VASH2: variants seen among roughly 807,000 people sequenced by gnomAD.
The protein encoded by VASH2 is tubulinyl-Tyr carboxypeptidase 2.
VASH2 carries 28 observed loss-of-function variants against 37.2 expected under a neutral mutation model. The ratio of observed to expected loss-of-function variants is 0.75; its 90% CI spans 0.56 to 1.03. VASH2 has a LOEUF of 1.03. Ranked by LOEUF, VASH2 falls within the 50% of genes least tolerant of loss-of-function variation. The probability of loss-of-function intolerance (pLI) is 0.00; values close to 1 mark genes in which losing one functional copy is unlikely to be tolerated. For missense variants in VASH2, 419 were observed against 459.1 expected (o/e 0.91, Z 0.80); for synonymous variants, 188 against 174.7 (o/e 1.08, Z -0.60).
intron 5 of VASH2, chr1:212,966,814 G>A (rs1666863616): frequency 2.1e-5 from 7 of 338,012 alleles, no homozygotes; most frequent in South Asian, 2.4e-5. Flanking sequence ...TGCAACTTCC[G>A]CCTCCCAGGC....
chr1:212,964,812 C>G (rs1437106430), intron 3 of VASH2, among the ~76,000 whole-genome samples: 2 of 152,156 alleles, frequency 1.3e-5, no homozygotes, highest in Non-Finnish European at 2.9e-5. Flanking sequence ...CATCCATCCA[C>G]TCATTCATCC....
At position 212,961,182 on chromosome 1, in the gene VASH2, T is replaced by A. The variant is rs1484213043; in HGVS notation, c.293T>A (p.Val98Asp). The change falls in exon 3 of 8, where the codon GTC becomes GAC. Residue 98 changes from valine (V) to aspartate (D), a missense_variant. Val to Asp is a radical substitution (Grantham distance 152). Around this residue, in one of 3 missense-constraint regions of VASH2, gnomAD observed 158 missense variants for 163.0 expected, o/e 0.97. Coordinates refer to ENST00000517399, the MANE Select transcript of VASH2 (RefSeq NM_001301056.2). Reference sequence around the variant, plus strand: ...TTTCTGCAGCCTTCAATACCCCAGGTCCCAAACTACAGGCTGTCGATGACG... The same window carrying A: ...TTTCTGCAGCCTTCAATACCCCAGGACCCAAACTACAGGCTGTCGATGACG... ...AFLAKPSIPQ[V>D]PNYRLSMTIP... 1 of 1,614,086 alleles carries A rather than the reference T, an allele frequency of 6.2e-7. No homozygotes were observed. The highest frequency in any genetic ancestry group is 1.1e-5 in the South Asian group (1 of 91,072).
chr1:212,979,346 C>A (rs1266636670), intron 7 of VASH2, among the ~76,000 whole-genome samples: 1 of 152,224 alleles, frequency 6.6e-6, no homozygotes, highest in Non-Finnish European at 1.5e-5. Flanking sequence ...ATGGCCAGGA[C>A]TAGGGTTTGG....
At chr1:212,962,977 C>CTTTTT (rs113122383) in intron 3 of VASH2, among the ~76,000 whole-genome samples, 1 of 147,374 alleles carries the variant, frequency 6.8e-6, no homozygotes, top group African/African-American at 2.5e-5. Context: ...CTCCCCATCT[C>CTTTTT]TTTTTTTTTT....
In VASH2 at chr1:212,979,026, TAGG is replaced by T. The variant is rs147613309; in HGVS notation, c.995+4962_995+4964del. Among the ~76,000 whole-genome samples the T allele has an allele frequency of 1.2e-3, 180 of 150,504 alleles. 4 individuals carry two copies. In the East Asian group the frequency reaches 0.032, roughly 27 times the overall value. ...GGAAGAGATTGCAGGGTCTACTGTG[TAGG>T]AGGAGAGGGAAGAGAGGTGCAGGAC... On this transcript the variant is annotated intron_variant, in intron 7 of 7. Coordinates refer to ENST00000517399, the MANE Select transcript of VASH2 (RefSeq NM_001301056.2).
chr1:212,978,517 A>G (rs1297681601), intron 7 of VASH2, among the ~76,000 whole-genome samples: 1 of 152,222 alleles, frequency 6.6e-6, no homozygotes, highest in East Asian at 1.9e-4. Context: ...CCCCAGGAGC[A>G]CGGAGGTGAT....
chr1:212,955,396 C>T lies in VASH2; in HGVS notation c.276+3578C>T, dbSNP rs138771902. ...TCTAAATTTGTGACTGCAGGCCTCT[C>T]CCCTGGAGGTTGTTGAGTCTGAAGT... On this transcript the variant is annotated intron_variant, in intron 2 of 7. Transcript: ENST00000517399. 7.5e-3 allele frequency among the ~76,000 whole-genome samples: 1,139 copies of T among 152,258 alleles called. 12 individuals are homozygous for T. The highest frequency in any genetic ancestry group is 0.024 in the African/African-American group (999 of 41,532).
intron 5 of VASH2, chr1:212,969,094 A>G (rs950284389): frequency 1.0e-6 from 1 of 985,310 alleles, no homozygotes; most frequent in Non-Finnish European, 1.2e-6. Flanking sequence ...CTGACATTTC[A>G]GAAAAGTGCA....
At chr1:212,956,425 G>GC (rs1205203737) in intron 2 of VASH2, among the ~76,000 whole-genome samples, 1 of 152,166 alleles carries the variant, frequency 6.6e-6, no homozygotes, top group African/African-American at 2.4e-5. Context: ...TCTAGATTGT[G>GC]CCTTCATCAG....
intron 7 of VASH2, among the ~76,000 whole-genome samples, chr1:212,987,400 A>C (rs1310816745): frequency 6.6e-6 from 1 of 152,144 alleles, no homozygotes; most frequent in East Asian, 1.9e-4. Flanking sequence ...ACATGGTGAA[A>C]CCCCATGTCT....
intron 5 of VASH2, chr1:212,968,577 A>C: frequency 3.0e-6 from 3 of 985,464 alleles, no homozygotes; most frequent in Non-Finnish European, 3.6e-6. Flanking sequence ...CTTGAACCTT[A>C]CTGAGGCCCC....
At chr1:212,985,024 T>C (rs927904727) in intron 7 of VASH2, among the ~76,000 whole-genome samples, 1 of 149,538 alleles carries the variant, frequency 6.7e-6, no homozygotes, top group Non-Finnish European at 1.5e-5. Flanking sequence ...CATAATTCAC[T>C]TTTTTTTTCT....
Position 212,988,880 on chromosome 1 carries a change from T to C in VASH2, c.*296T>C. On this transcript the variant is annotated 3_prime_UTR_variant, in exon 8 of 8. Coordinates refer to ENST00000517399, the MANE Select transcript of VASH2 (RefSeq NM_001301056.2). ...ATTTTTCCATTTACCTACTTTCTTT[T>C]ACTTGCTTTGAACATTATGCCTCAC... 2.9e-6 allele frequency: 1 copy of C among 344,210 alleles called. No individual in the cohort carries two copies. Among genetic ancestry groups the C allele is most frequent in the Non-Finnish European group, 5.6e-6 (1 of 179,262 alleles). 21.3% of individuals were successfully genotyped at this position (344,210 alleles called of 1,614,324 possible). A position where few individuals can be genotyped will look rare whatever the true frequency, so the allele number is the denominator to read the frequency against.
intron 5 of VASH2, among the ~76,000 whole-genome samples, chr1:212,970,385 G>A (rs1225771263): frequency 6.6e-6 from 1 of 152,172 alleles, no homozygotes; most frequent in Non-Finnish European, 1.5e-5. Context: ...CCACCTGGCT[G>A]ACTACTTATC....
At chr1:212,960,724 T>C (rs543819904) in intron 2 of VASH2, among the ~76,000 whole-genome samples, 1 of 152,210 alleles carries the variant, frequency 6.6e-6, no homozygotes, top group African/African-American at 2.4e-5. Context: ...AATGTTGCCC[T>C]GCAGTAGAGC....
rs1200612364 is a variant in VASH2, at chr1:212,965,746, C to T, written c.390C>T (p.Phe130=). The T allele has an allele frequency of 6.4e-7, 1 of 1,552,264 alleles. No individual in the cohort carries two copies. The highest frequency in any genetic ancestry group is 1.4e-5 in the African/African-American group (1 of 73,184). The change falls in exon 4 of 8, where the codon TTC becomes TTT. Residue 130 remains phenylalanine, a synonymous_variant. Transcript: ENST00000517399. Reference sequence around the variant, plus strand: ...GATATAATCACACAGGGACCCAGTTCTTTGAAATTAGGAAAATGAGACCGC... The same window carrying T: ...GATATAATCACACAGGGACCCAGTTTTTTGAAATTAGGAAAATGAGACCGC... ...TLQYNHTGTQ[F]FEIRKMRPLS... is the part of the protein sequence containing the mutation.
intron 7 of VASH2, among the ~76,000 whole-genome samples, chr1:212,983,535 A>G (rs749383284): frequency 6.6e-6 from 1 of 152,212 alleles, no homozygotes; most frequent in Non-Finnish European, 1.5e-5. Context: ...CACACCTCCC[A>G]CTAAGCCCTG....
At chr1:212,979,706 G>A (rs534446514) in intron 7 of VASH2, among the ~76,000 whole-genome samples, 77 of 152,244 alleles carry the variant, frequency 5.1e-4, no homozygotes, top group African/African-American at 1.8e-3. Context: ...CGTAGCATCC[G>A]CTGAGACCAA....
chr1:212,973,083 C>G (rs566052996), intron 6 of VASH2, 122 bp downstream of exon 6: 1 of 1,271,798 alleles, frequency 7.9e-7, no homozygotes, highest in East Asian at 2.5e-5. Flanking sequence ...GTTAAAGTCT[C>G]TCTTTGCACA....
Sources: allele counts gnomAD v4.1 joint callset (sites outside exome capture counted in the v4.1 genomes callset), GRCh38; gene constraint gnomAD v4.1.1; regional missense constraint gnomAD v4.1.1; transcripts MANE v1.5; gene names NCBI Gene and HGNC (gene_info 2026-07-23, HGNC 2026-07-21).